CDH13: variants seen among roughly 807,000 people sequenced by gnomAD.
CDH13 encodes cadherin 13, also known as cadherin-13.
A neutral mutation model predicts 63.8 loss-of-function variants in CDH13; 24 were observed. The observed-to-expected ratio is 0.38, with a 90% CI of 0.27 to 0.53. The LOEUF (loss-of-function observed/expected upper bound fraction) is 0.53, where lower values mean the gene tolerates loss of function less well. Among genes scored for constraint, CDH13 ranks in the 20% least tolerant of loss-of-function variants. The pLI is 0.85. For synonymous variants in CDH13, 503 were observed against 355.3 expected, an observed-to-expected ratio of 1.42 and a Z score of -4.67; for missense variants, 1,049 against 903.1, an observed-to-expected ratio of 1.16 and a Z score of -2.07.
At chr16:83,239,865 G>T (rs575892728) in intron 5 of CDH13, among the ~76,000 whole-genome samples, 4 of 152,158 alleles carry the variant, frequency 2.6e-5, no homozygotes, top group African/African-American at 7.2e-5. Flanking sequence ...GGGAATTTGT[G>T]GGGGGCAGGG....
intron 7 of CDH13, among the ~76,000 whole-genome samples, chr16:83,599,882 A>G (rs1468792653): frequency 1.3e-5 from 2 of 152,202 alleles, no homozygotes; most frequent in East Asian, 1.9e-4. Flanking sequence ...TGTCCAGGGT[A>G]GTGGTTCACA....
At chr16:83,313,457 T>C (rs1333706808) in intron 5 of CDH13, among the ~76,000 whole-genome samples, 1 of 151,896 alleles carries the variant, frequency 6.6e-6, no homozygotes, top group East Asian at 1.9e-4. Flanking sequence ...ACAACTGCCT[T>C]TTCAGTAAGG....
In CDH13 at chr16:83,701,316, G is replaced by A. The variant is rs1598511673; in HGVS notation, c.1538+22855G>A. Among the ~76,000 whole-genome samples, 7 of 152,316 alleles carry A rather than the reference G, an allele frequency of 4.6e-5. 2 individuals are homozygous for A. Among genetic ancestry groups the A allele is most frequent in the Admixed American group, 4.6e-4 (7 of 15,298 alleles). On this transcript the variant is annotated intron_variant, in intron 10 of 13. Coordinates refer to ENST00000567109, the MANE Select transcript of CDH13 (RefSeq NM_001257.5). ...GGCCATCGGGTGGCTGCATAAAGAA[G>A]TCTGATGATGGATGCAGCGCTCCCA...
At chr16:82,782,561 A>AC (rs200065630) in intron 1 of CDH13, among the ~76,000 whole-genome samples, 1 of 151,066 alleles carries the variant, frequency 6.6e-6, no homozygotes, top group Non-Finnish European at 1.5e-5. Flanking sequence ...CAAAAAAAAA[A>AC]AAAAATAATA....
intron 4 of CDH13, among the ~76,000 whole-genome samples, chr16:83,200,954 TGTGTGTGTG>T (rs2039010928): frequency 6.6e-6 from 1 of 150,398 alleles, no homozygotes; most frequent in African/African-American, 2.5e-5. Context: ...TGTGTGTGTG[TGTGTGTGTG>T]TGTGTGTGTT....
chr16:83,430,632 C>A (rs370079443), intron 6 of CDH13, among the ~76,000 whole-genome samples: 1 of 152,174 alleles, frequency 6.6e-6, no homozygotes, highest in East Asian at 1.9e-4. Flanking sequence ...AGAATTTACA[C>A]TCTCATGAAA....
At chr16:83,165,040 G>T (rs935361694) in intron 4 of CDH13, among the ~76,000 whole-genome samples, 1 of 149,380 alleles carries the variant, frequency 6.7e-6, no homozygotes, top group African/African-American at 2.5e-5. Flanking sequence ...CCCAGCCCAC[G>T]CTCTGATCAC....
chr16:83,694,324 C>T (rs778570473), intron 10 of CDH13, among the ~76,000 whole-genome samples: 1 of 152,198 alleles, frequency 6.6e-6, no homozygotes, highest in Admixed American at 6.5e-5. Context: ...CATATCTACT[C>T]CTGCTGCAGT....
chr16:82,754,357 G>A (rs767431293), intron 1 of CDH13, among the ~76,000 whole-genome samples: 3 of 152,080 alleles, frequency 2.0e-5, no homozygotes, highest in African/African-American at 4.8e-5. Flanking sequence ...ATGAATAACC[G>A]AATGAATGCC....
intron 3 of CDH13, among the ~76,000 whole-genome samples, chr16:83,087,922 C>G (rs1255354678): frequency 6.6e-6 from 1 of 152,064 alleles, no homozygotes; most frequent in South Asian, 2.1e-4. Context: ...AATAGTGTGG[C>G]CTTTACCTTT....
intron 6 of CDH13, among the ~76,000 whole-genome samples, chr16:83,379,938 T>G (rs74805530): frequency 0.15 from 17,994 of 123,486 alleles, 1,428 homozygotes; most frequent in South Asian, 0.18. Context: ...TATATATATA[T>G]AGAGAGAGAG....
At chr16:82,663,281 G>C (rs529035714) in intron 1 of CDH13, among the ~76,000 whole-genome samples, 1 of 152,266 alleles carries the variant, frequency 6.6e-6, no homozygotes, top group South Asian at 2.1e-4. Context: ...CTGCCTCCTA[G>C]GTTCAAGCGA....
intron 1 of CDH13, among the ~76,000 whole-genome samples, chr16:82,731,720 G>A (rs554812150): frequency 6.6e-6 from 1 of 152,334 alleles, no homozygotes; most frequent in East Asian, 1.9e-4. Context: ...AAAGCATTCT[G>A]TGAGAATCAA....
intron 2 of CDH13, among the ~76,000 whole-genome samples, chr16:82,958,627 C>T (rs917210447): frequency 3.9e-5 from 6 of 152,208 alleles, no homozygotes; most frequent in African/African-American, 7.2e-5. Context: ...AGATATTAAA[C>T]AGGCATTAGA....
chr16:82,817,541 C>G (rs1456525728), intron 1 of CDH13, among the ~76,000 whole-genome samples: 1 of 152,150 alleles, frequency 6.6e-6, no homozygotes, highest in African/African-American at 2.4e-5. Flanking sequence ...CAGTGGCTCA[C>G]ACCTGTAACT....
At chr16:83,663,489 C>T (rs1913637332) in intron 8 of CDH13, among the ~76,000 whole-genome samples, 1 of 152,210 alleles carries the variant, frequency 6.6e-6, no homozygotes, top group Non-Finnish European at 1.5e-5. Context: ...GGGAGACTCT[C>T]AAACACATGT....
chr16:83,335,405 C>CAT (rs1390868660), intron 5 of CDH13, among the ~76,000 whole-genome samples: 2 of 151,878 alleles, frequency 1.3e-5, no homozygotes, highest in East Asian at 1.9e-4. Context: ...CACACACACA[C>CAT]ACAGTTCCTT....
intron 3 of CDH13, among the ~76,000 whole-genome samples, chr16:83,071,667 T>C (rs982923303): frequency 6.6e-6 from 1 of 152,210 alleles, no homozygotes; most frequent in African/African-American, 2.4e-5. Context: ...TGAATAGTTG[T>C]TTCAAGTCAT....
intron 8 of CDH13, among the ~76,000 whole-genome samples, chr16:83,609,127 G>T (rs1239641110): frequency 6.6e-6 from 1 of 152,036 alleles, no homozygotes; most frequent in Non-Finnish European, 1.5e-5. Flanking sequence ...TCATATATAT[G>T]AGCTATGCCA....
Sources: allele counts gnomAD v4.1 joint callset (sites outside exome capture counted in the v4.1 genomes callset), GRCh38; gene constraint gnomAD v4.1.1; transcripts MANE v1.5; gene names NCBI Gene and HGNC (gene_info 2026-07-23, HGNC 2026-07-21).